Variants in CTNNA2 observed in about 807,000 individuals in gnomAD.
CTNNA2 encodes catenin alpha-2.
A neutral mutation model predicts 101.0 loss-of-function variants in CTNNA2; 42 were observed. The ratio of observed to expected loss-of-function variants is 0.42; its 90% CI spans 0.32 to 0.54. CTNNA2 has a LOEUF of 0.54. Among genes scored for constraint, CTNNA2 ranks in the 20% least tolerant of loss-of-function variants. The pLI, the probability that CTNNA2 is intolerant of heterozygous loss-of-function variation, is 0.14. For synonymous variants in CTNNA2, 450 were observed against 456.4 expected (o/e 0.99, Z 0.18); for missense variants, 871 against 1,223.1 (o/e 0.71, Z 4.29).
intron 2 of CTNNA2, among the ~76,000 whole-genome samples, chr2:79,282,162 A>G (rs1675405735): frequency 6.6e-6 from 1 of 152,174 alleles, no homozygotes; most frequent in Non-Finnish European, 1.5e-5. Flanking sequence ...AGCTTAAGCC[A>G]CTTCCAAATG....
intron 7 of CTNNA2, among the ~76,000 whole-genome samples, chr2:80,144,114 A>C (rs1182307472): frequency 6.6e-6 from 1 of 152,142 alleles, no homozygotes; most frequent in African/African-American, 2.4e-5. Flanking sequence ...TTTTAGCTCT[A>C]ACACAAGTGT....
At chr2:79,831,963 C>T (rs1574082748) in intron 3 of CTNNA2, among the ~76,000 whole-genome samples, 1 of 151,998 alleles carries the variant, frequency 6.6e-6, no homozygotes, top group Admixed American at 6.6e-5. Context: ...TCTTTAATAA[C>T]CTTCTCAGGC....
chr2:80,549,938 A>G (rs1343232536), intron 11 of CTNNA2, among the ~76,000 whole-genome samples: 1 of 152,134 alleles, frequency 6.6e-6, no homozygotes, highest in Non-Finnish European at 1.5e-5. Flanking sequence ...ACCTGAAGGC[A>G]CAGGGTATGG....
At position 79,333,700 on chromosome 2, in the gene CTNNA2, A is replaced by T. The variant is rs1007433675; in HGVS notation, c.-318+20904A>T. Among the ~76,000 whole-genome samples the T allele has an allele frequency of 5.9e-5, 9 of 152,194 alleles. No individual in the cohort carries two copies. The East Asian group carries it at 1.7e-3, about 29-fold the overall frequency. On this transcript the variant is annotated intron_variant, in intron 3 of 21. Transcript: ENST00000466387. ...AAATGAAGAACTCAAATATAGGTTT[A>T]TCAATACAGAAAAGAACTACTGATG...
chr2:79,559,404 C>T (rs1674634803), intron 1 of CTNNA2, among the ~76,000 whole-genome samples: 1 of 151,820 alleles, frequency 6.6e-6, no homozygotes, highest in African/African-American at 2.4e-5. Context: ...TGATATTTTG[C>T]CATGTCTGAG....
Position 79,648,470 on chromosome 2 carries a change from T to G in CTNNA2, c.-5-3082T>G, listed in dbSNP as rs1189123589. On this transcript the variant is annotated intron_variant, in intron 1 of 18. Coordinates refer to ENST00000402739, the MANE Select transcript of CTNNA2 (RefSeq NM_001282597.3). ...CCAAGGGATTTTTTAAGGAAAATGT[T>G]CCTACTACAAGGTCTAATACAGACA... 3.3e-5 allele frequency among the ~76,000 whole-genome samples: 5 copies of G among 152,310 alleles called. No individual in the cohort carries two copies. The South Asian group carries it at 8.3e-4, about 25-fold the overall frequency.
chr2:79,850,687 G>T (rs915647539), intron 3 of CTNNA2, among the ~76,000 whole-genome samples: 3 of 152,108 alleles, frequency 2.0e-5, no homozygotes, highest in Admixed American at 2.0e-4. Context: ...TTGACCTTGG[G>T]CAAATAACCT....
intron 7 of CTNNA2, among the ~76,000 whole-genome samples, chr2:80,233,306 G>A (rs1558927433): frequency 6.6e-6 from 1 of 152,112 alleles, no homozygotes; most frequent in Non-Finnish European, 1.5e-5. Context: ...CATGTGAGAA[G>A]CAATCCCACC....
At chr2:80,640,273 G>A (rs1673325866) in intron 18 of CTNNA2, among the ~76,000 whole-genome samples, 2 of 152,226 alleles carry the variant, frequency 1.3e-5, no homozygotes, top group South Asian at 4.1e-4. Context: ...CTCTTGGGAG[G>A]TAAATAAGTT....
chr2:80,150,448 A>C (rs1703628002), intron 7 of CTNNA2, among the ~76,000 whole-genome samples: 1 of 152,280 alleles, frequency 6.6e-6, no homozygotes, highest in South Asian at 2.1e-4. Flanking sequence ...AAAGTGATGG[A>C]AACTGAGGCT....
chr2:79,818,597 G>A (rs1677721060), intron 3 of CTNNA2, among the ~76,000 whole-genome samples: 1 of 151,666 alleles, frequency 6.6e-6, no homozygotes, highest in Non-Finnish European at 1.5e-5. Context: ...TTACAGGTGT[G>A]AGCCACCAAG....
chr2:79,742,418 G>T (rs1386669755), intron 2 of CTNNA2, among the ~76,000 whole-genome samples: 1 of 152,130 alleles, frequency 6.6e-6, no homozygotes, highest in African/African-American at 2.4e-5. Flanking sequence ...ATCTCAGTGA[G>T]AATAGGGAGT....
In CTNNA2 at chr2:80,135,682, AG is replaced by A. The variant is rs370705505; in HGVS notation, c.1056+225886del. On this transcript the variant is annotated intron_variant, in intron 7 of 18. Transcript: ENST00000402739. Reference sequence around the variant, plus strand: ...GCCCCCTATGATGTGTCATTCACAGAGCTAAGTGCTGGGAAGACAGTCCTGT... The same window carrying A: ...GCCCCCTATGATGTGTCATTCACAGACTAAGTGCTGGGAAGACAGTCCTGT... 7.6e-4 allele frequency among the ~76,000 whole-genome samples: 115 copies of A among 152,206 alleles called. 1 individual carries two copies. The South Asian group carries it at 0.024, about 31-fold the overall frequency.
intron 2 of CTNNA2, among the ~76,000 whole-genome samples, chr2:79,681,162 C>G (rs930434837): frequency 6.6e-6 from 1 of 152,074 alleles, no homozygotes; most frequent in Non-Finnish European, 1.5e-5. Flanking sequence ...CTCACATACA[C>G]ACACAAAAAG....
intron 7 of CTNNA2, among the ~76,000 whole-genome samples, chr2:80,112,339 G>T (rs1377218682): frequency 1.3e-5 from 2 of 151,974 alleles, no homozygotes; most frequent in Non-Finnish European, 2.9e-5. Context: ...TCATTCAATG[G>T]CAGAATTATT....
chr2:79,956,123 T>G (rs557856438), intron 7 of CTNNA2, among the ~76,000 whole-genome samples: 55 of 152,168 alleles, frequency 3.6e-4, no homozygotes, highest in Non-Finnish European at 7.1e-4. Flanking sequence ...CAGGCTATAA[T>G]AAGTAGCCAG....
rs952870137 is a variant in CTNNA2 at position 79,828,487 on chromosome 2, A to T, written c.299-29526A>T. Among the ~76,000 whole-genome samples, 9 of 152,222 alleles carry T rather than the reference A, an allele frequency of 5.9e-5. No individual in the cohort carries two copies. In the South Asian group the frequency reaches 6.2e-4, roughly 10 times the overall value. On this transcript the variant is annotated intron_variant, in intron 3 of 18. Coordinates refer to ENST00000402739, the MANE Select transcript of CTNNA2 (RefSeq NM_001282597.3). ...TAGATAATTTACTTTTACTATACAG[A>T]GTGATGTCTTAAAGGAGAATGTGAG...
chr2:80,222,116 T>C (rs771463979), intron 7 of CTNNA2, among the ~76,000 whole-genome samples: 3 of 152,232 alleles, frequency 2.0e-5, no homozygotes, highest in East Asian at 1.9e-4. Context: ...AGGGCATTTG[T>C]CAATACACAG....
chr2:80,528,377 T>C (rs1359474687), intron 9 of CTNNA2, among the ~76,000 whole-genome samples: 1 of 152,106 alleles, frequency 6.6e-6, no homozygotes, highest in Non-Finnish European at 1.5e-5. Context: ...TTTGTATTTT[T>C]AGTAGGGATG....
Sources: gnomAD v4.1 joint callset for allele counts (sites outside exome capture counted in the v4.1 genomes callset) on GRCh38, gnomAD v4.1.1 for gene constraint, MANE v1.5 for transcripts, NCBI Gene and HGNC (gene_info 2026-07-23, HGNC 2026-07-21) for gene names.